Variants in EFCAB7 observed in about 807,000 individuals in gnomAD.
EFCAB7 encodes EF-hand calcium binding domain 7.
A neutral mutation model predicts 77.1 loss-of-function variants in EFCAB7; 66 were observed. That is an observed-to-expected ratio of 0.86 (90% CI 0.70 to 1.05). The LOEUF is 1.05. EFCAB7 is among the 50% of genes least tolerant of loss of function. The probability of loss-of-function intolerance (pLI) is 0.00; values close to 1 mark genes in which losing one functional copy is unlikely to be tolerated. For synonymous variants in EFCAB7, 225 were observed against 243.3 expected (o/e 0.92, Z 0.70); for missense variants, 638 against 730.5 (o/e 0.87, Z 1.46).
At chr1:63,553,608 G>C (rs1194739499) in intron 8 of EFCAB7, among the ~76,000 whole-genome samples, 1 of 152,188 alleles carries the variant, frequency 6.6e-6, no homozygotes. Flanking sequence ...AAAGTGCTGG[G>C]ATTACAGGCT....
At chr1:63,578,784 T>C in the EFCAB7 span, among the ~76,000 whole-genome samples, 8 of 151,758 alleles carry the variant, frequency 5.3e-5, no homozygotes, top group Non-Finnish European at 8.8e-5. Context: ...GTCCCTAATG[T>C]GTGCAAAGTA....
intron 11 of EFCAB7, among the ~76,000 whole-genome samples, chr1:63,567,471 T>G (rs1411033713): frequency 6.6e-6 from 1 of 151,894 alleles, no homozygotes; most frequent in African/African-American, 2.4e-5. Flanking sequence ...AAAAAATTAT[T>G]TCAAAGGTGT....
the EFCAB7 span, among the ~76,000 whole-genome samples, chr1:63,581,868 A>G: frequency 1.3e-5 from 2 of 152,250 alleles, no homozygotes; most frequent in African/African-American, 4.8e-5. Flanking sequence ...AAAATCTATT[A>G]TAAAAAGTTA....
At chr1:63,538,515 A>T (rs755458672) in intron 6 of EFCAB7, among the ~76,000 whole-genome samples, 9 of 150,916 alleles carry the variant, frequency 6.0e-5, no homozygotes, top group Non-Finnish European at 1.2e-4. Flanking sequence ...GTGCAGTGGC[A>T]CCATCTTGGC....
intron 2 of EFCAB7, among the ~76,000 whole-genome samples, chr1:63,526,346 T>G (rs1646589590): frequency 1.3e-5 from 2 of 152,178 alleles, no homozygotes; most frequent in South Asian, 4.1e-4. Context: ...TTGGACATCT[T>G]TAGTCATGAG....
rs1383841396 is a variant in EFCAB7 at position 63,525,597 on chromosome 1, G to A, written c.25G>A (p.Ala9Thr). 1.4e-5 allele frequency: 22 copies of A among 1,568,704 alleles called. No homozygotes were observed. Among genetic ancestry groups the A allele is most frequent in the Non-Finnish European group, 1.7e-5 (20 of 1,168,244 alleles). Residue 9 changes from alanine to threonine, a missense_variant, in exon 2 of 14, where the codon GCA becomes ACA. Coordinates refer to ENST00000371088, the MANE Select transcript of EFCAB7 (RefSeq NM_032437.4). ...AATGGCGATCAGTCCACGAAGCGATGCAACTTTCTCCAGTCAGAAATCAAC... is the reference window on the plus strand; with the variant it reads ...AATGGCGATCAGTCCACGAAGCGATACAACTTTCTCCAGTCAGAAATCAAC... MAISPRSDATFSSQKSTPS... is the reference protein window; with the variant it reads MAISPRSDTTFSSQKSTPS...
chr1:63,555,342 A>G lies in EFCAB7; in HGVS notation c.1057-16A>G. On this transcript the variant is annotated splice_polypyrimidine_tract_variant and intron_variant, in intron 8 of 13. Transcript: ENST00000371088. ...TTAAGACTGATGATTGTTTTATTTC[A>G]TTGTTTTGAGAAAAGGTGTTTGGAT... 1 of 1,593,680 alleles carries G rather than the reference A, an allele frequency of 6.3e-7. No individual in the cohort carries two copies. Among genetic ancestry groups the G allele is most frequent in the South Asian group, 1.1e-5 (1 of 88,156 alleles).
chr1:63,523,681 C>T (rs1646518377), intron 1 of EFCAB7, 47 bp downstream of exon 1: 1 of 169,824 alleles, frequency 5.9e-6, no homozygotes, highest in African/African-American at 2.4e-5. Context: ...CTCTGTCCCT[C>T]TCTGTGCAGC....
chr1:63,563,582 G>A (rs534559654), intron 11 of EFCAB7, among the ~76,000 whole-genome samples: 2 of 152,314 alleles, frequency 1.3e-5, no homozygotes, highest in South Asian at 4.1e-4. Context: ...ACTAAGCAGT[G>A]TATTTACTGA....
downstream of EFCAB7, among the ~76,000 whole-genome samples, chr1:63,577,569 A>AG (rs1385845321): frequency 6.6e-6 from 1 of 152,200 alleles, no homozygotes; most frequent in East Asian, 1.9e-4. Context: ...TTGAAAAAAA[A>AG]GTTTTTTCTT....
At chr1:63,548,383 TTTTATC>T (rs1357923913) in intron 7 of EFCAB7, 3 of 152,166 alleles carry the variant, frequency 2.0e-5, no homozygotes, top group African/African-American at 7.2e-5. Context: ...AAGGTCAAGA[TTTTATC>T]TTAATCTTTC....
chr1:63,532,696 A>C lies in EFCAB7; in HGVS notation c.426A>C (p.Glu142Asp). The change falls in exon 4 of 14, where the codon GAA becomes GAC. Residue 142 changes from glutamate to aspartate, a missense_variant. Coordinates refer to ENST00000371088, the MANE Select transcript of EFCAB7 (RefSeq NM_032437.4). ...GAGGTGAGAAGATGACTCGAGAAGA[A>C]GTAAATGCCATAATAAATTTGGCTG... Reference protein sequence around the residue: ...TKRGEKMTREEVNAIINLADV... With the variant: ...TKRGEKMTREDVNAIINLADV... The C allele has an allele frequency of 6.2e-7, 1 of 1,603,240 alleles. No individual in the cohort carries two copies. The highest frequency in any genetic ancestry group is 8.5e-7 in the Non-Finnish European group (1 of 1,176,136).
intron 2 of EFCAB7, 53 bp downstream of exon 2, chr1:63,525,812 T>C (rs919797889): frequency 7.9e-7 from 1 of 1,267,444 alleles, no homozygotes; most frequent in African/African-American, 1.6e-5. Flanking sequence ...AGTTAATAAA[T>C]AGGTCCGAAA....
At chr1:63,565,842 C>G (rs1557688985) in intron 11 of EFCAB7, among the ~76,000 whole-genome samples, 1 of 151,938 alleles carries the variant, frequency 6.6e-6, no homozygotes, top group Admixed American at 6.6e-5. Flanking sequence ...ATTAAAAAGT[C>G]AAAAAATAAA....
At chr1:63,577,777 A>G in the EFCAB7 span, among the ~76,000 whole-genome samples, 1 of 152,326 alleles carries the variant, frequency 6.6e-6, no homozygotes, top group South Asian at 2.1e-4. Flanking sequence ...AATAAATGCC[A>G]GTCATTAAGC....
chr1:63,573,899 C>T (rs1046438441), downstream of EFCAB7, among the ~76,000 whole-genome samples: 5 of 152,172 alleles, frequency 3.3e-5, no homozygotes, highest in African/African-American at 9.6e-5. Flanking sequence ...TTGCTGAATA[C>T]CAAGAGCCTG....
chr1:63,571,154 C>T (rs749117401), intron 13 of EFCAB7, 26 bp downstream of exon 13: 3 of 1,535,680 alleles, frequency 2.0e-6, no homozygotes, highest in Non-Finnish European at 2.7e-6. Flanking sequence ...CTAATTAAAG[C>T]CTTTTGTTTT....
intron 10 of EFCAB7, among the ~76,000 whole-genome samples, chr1:63,559,393 G>A (rs564097962): frequency 6.3e-4 from 95 of 150,676 alleles, no homozygotes; most frequent in Non-Finnish European, 1.1e-3. Context: ...GCATTTGTAT[G>A]ATACCTTTGT....
chr1:63,553,115 A>G (rs752014316), intron 8 of EFCAB7, among the ~76,000 whole-genome samples: 4 of 152,188 alleles, frequency 2.6e-5, no homozygotes, highest in Non-Finnish European at 5.9e-5. Context: ...TTGTATTTAT[A>G]CTTTCACAAT....
Sources: allele counts gnomAD v4.1 joint callset (sites outside exome capture counted in the v4.1 genomes callset), GRCh38; gene constraint gnomAD v4.1.1; transcripts MANE v1.5; gene names NCBI Gene and HGNC (gene_info 2026-07-23, HGNC 2026-07-21).